KCNJ15: variants seen among roughly 807,000 people sequenced by gnomAD.
KCNJ15 encodes potassium inwardly rectifying channel subfamily J member 15.
A neutral mutation model predicts 23.0 loss-of-function variants in KCNJ15; 14 were observed. The observed-to-expected ratio is 0.61, with a 90% CI of 0.40 to 0.95. The LOEUF (loss-of-function observed/expected upper bound fraction) is 0.95. Ranked by LOEUF, KCNJ15 falls within the 40% of genes least tolerant of loss-of-function variation. The pLI, the probability that KCNJ15 is intolerant of heterozygous loss-of-function variation, is 0.00. For missense variants in KCNJ15, 388 were observed against 461.8 expected (o/e 0.84, Z 1.46); for synonymous variants, 185 against 183.2 (o/e 1.01, Z -0.08).
chr21:38,283,363 G>A (rs1046160938), intron 1 of KCNJ15, among the ~76,000 whole-genome samples: 4 of 152,186 alleles, frequency 2.6e-5, no homozygotes, highest in African/African-American at 9.7e-5. Flanking sequence ...AGAGATAACT[G>A]CTGTTAATAT....
rs1986002124 is a variant in KCNJ15, at chr21:38,305,009, G to A, written c.*4620G>A. Reference sequence around the variant, plus strand: ...GCAGGAGATTCGCTTGAACCCGGGAGGTGGACGTTGCAGTGAGCTAAGATC... The same window carrying A: ...GCAGGAGATTCGCTTGAACCCGGGAAGTGGACGTTGCAGTGAGCTAAGATC... On this transcript the variant is annotated 3_prime_UTR_variant, in exon 3 of 3. Transcript: ENST00000398938. 1 of 147,202 alleles carries A rather than the reference G, an allele frequency of 6.8e-6. No individual in the cohort carries two copies. The highest frequency in any genetic ancestry group is 1.5e-5 in the Non-Finnish European group (1 of 67,108). 9.1% of individuals were successfully genotyped at this position (147,202 alleles called of 1,614,324 possible). A position where few individuals can be genotyped will look rare whatever the true frequency, so the allele number is the denominator to read the frequency against.
intron 1 of KCNJ15, among the ~76,000 whole-genome samples, chr21:38,286,362 G>C (rs1303627772): frequency 1.3e-5 from 2 of 152,202 alleles, no homozygotes; most frequent in Non-Finnish European, 2.9e-5. Context: ...GCTGTTTTCT[G>C]TTATTTCCCC....
At chr21:38,289,790 G>A (rs562459521) in intron 1 of KCNJ15, among the ~76,000 whole-genome samples, 8 of 151,954 alleles carry the variant, frequency 5.3e-5, no homozygotes, top group Admixed American at 2.0e-4. Flanking sequence ...AGTACAATTC[G>A]CCTCCTCACC....
chr21:38,305,127 A>C lies in KCNJ15; in HGVS notation c.*4738A>C, dbSNP rs1986014414. 2 of 151,908 alleles carry C rather than the reference A, an allele frequency of 1.3e-5. No individual in the cohort carries two copies. Among genetic ancestry groups the C allele is most frequent in the Admixed American group, 1.3e-4 (2 of 15,238 alleles). 9.4% of individuals were successfully genotyped at this position (151,908 alleles called of 1,614,324 possible). ...AAGAAAAAGAAAAGAAAAGAAAATA[A>C]ACGTGGCAAAACTAGACCTTCAGAC... On this transcript the variant is annotated 3_prime_UTR_variant, in exon 3 of 3. Transcript: ENST00000398938.
At chr21:38,269,448 C>T (rs1254482257) in intron 1 of KCNJ15, among the ~76,000 whole-genome samples, 1 of 152,054 alleles carries the variant, frequency 6.6e-6, no homozygotes, top group Non-Finnish European at 1.5e-5. Context: ...AAATTGAATC[C>T]GAAATTACCC....
rs959586608 is a variant in KCNJ15, at chr21:38,265,942, G to A, written c.-117+8757G>A. On this transcript the variant is annotated intron_variant, in intron 1 of 2. Transcript: ENST00000398938. Reference sequence around the variant, plus strand: ...ACAAGACGACTTCCAGGGTCAGGACGGGGAGAAGCCTTCAGAGCAGGAGGA... The same window carrying A: ...ACAAGACGACTTCCAGGGTCAGGACAGGGAGAAGCCTTCAGAGCAGGAGGA... Among the ~76,000 whole-genome samples the A allele has an allele frequency of 5.3e-5, 8 of 152,248 alleles. No homozygotes were observed. The East Asian group carries it at 5.8e-4, about 11-fold the overall frequency.
chr21:38,284,653 C>G (rs1451261510), intron 1 of KCNJ15, among the ~76,000 whole-genome samples: 2 of 152,152 alleles, frequency 1.3e-5, no homozygotes, highest in African/African-American at 4.8e-5. Flanking sequence ...TGAATAAAAC[C>G]CCAAGATACT....
intron 1 of KCNJ15, among the ~76,000 whole-genome samples, chr21:38,283,428 T>C (rs1983559307): frequency 6.6e-6 from 1 of 152,238 alleles, no homozygotes; most frequent in African/African-American, 2.4e-5. Flanking sequence ...GAGATTACCC[T>C]GCATATTTAG....
At chr21:38,293,218 C>T (rs1408801282) in intron 1 of KCNJ15, among the ~76,000 whole-genome samples, 1 of 152,042 alleles carries the variant, frequency 6.6e-6, no homozygotes, top group Non-Finnish European at 1.5e-5. Context: ...TTCCAAGTTT[C>T]CTTCTTCCCA....
intron 1 of KCNJ15, among the ~76,000 whole-genome samples, chr21:38,264,224 A>G (rs1233770580): frequency 6.6e-6 from 1 of 152,190 alleles, no homozygotes; most frequent in African/African-American, 2.4e-5. Context: ...GATCTTTTAA[A>G]TTTTATTTCA....
chr21:38,264,457 G>T (rs1448796220), intron 1 of KCNJ15, among the ~76,000 whole-genome samples: 1 of 152,130 alleles, frequency 6.6e-6, no homozygotes, highest in African/African-American at 2.4e-5. Flanking sequence ...TTTCCCTACA[G>T]GGCTGCAAAC....
At chr21:38,287,822 T>C (rs933521196) in intron 1 of KCNJ15, among the ~76,000 whole-genome samples, 1 of 152,116 alleles carries the variant, frequency 6.6e-6, no homozygotes, top group Non-Finnish European at 1.5e-5. Flanking sequence ...TATCATTCAG[T>C]GATCACAGAG....
intron 1 of KCNJ15, among the ~76,000 whole-genome samples, chr21:38,250,964 G>A (rs1979786684): frequency 6.6e-6 from 1 of 152,148 alleles, no homozygotes; most frequent in South Asian, 2.1e-4. Flanking sequence ...AGGGTCCACG[G>A]CACACATACC....
intron 1 of KCNJ15, among the ~76,000 whole-genome samples, chr21:38,268,018 G>C (rs1245550320): frequency 2.0e-5 from 3 of 152,104 alleles, no homozygotes; most frequent in Non-Finnish European, 4.4e-5. Context: ...TTGAATACCT[G>C]GTTTTTATGA....
At chr21:38,241,739 G>A (rs1018687107) in intron 1 of KCNJ15, among the ~76,000 whole-genome samples, 1 of 152,108 alleles carries the variant, frequency 6.6e-6, no homozygotes, top group African/African-American at 2.4e-5. Context: ...GGCCAAGGAG[G>A]GCGGATTGCT....
At position 38,242,953 on chromosome 21, in the gene KCNJ15, TA is replaced by T. The variant is rs566460584; in HGVS notation, c.-398-14089del. ...TAAAACCTGGTAAATGTTGAACAAA[TA>T]AAATGATTAAATCAAATGGTGTAGT... On this transcript the variant is annotated intron_variant, in intron 1 of 4. Transcript: ENST00000547341. Among the ~76,000 whole-genome samples, 19 of 152,270 alleles carry T rather than the reference TA, an allele frequency of 1.2e-4. 1 individual carries two copies. In the South Asian group the frequency reaches 2.5e-3, roughly 20 times the overall value.
intron 1 of KCNJ15, among the ~76,000 whole-genome samples, chr21:38,243,569 C>T (rs1341763509): frequency 1.3e-5 from 2 of 152,166 alleles, no homozygotes; most frequent in Non-Finnish European, 2.9e-5. Context: ...TTACAGGAGC[C>T]TGCCACCATG....
At chr21:38,290,632 T>C (rs6517458) in intron 1 of KCNJ15, among the ~76,000 whole-genome samples, 117,366 of 151,966 alleles carry the variant, frequency 0.77, 45,698 homozygotes, top group African/African-American at 0.87. Flanking sequence ...TTGGGAACTG[T>C]ACCCCAAGAA....
intron 1 of KCNJ15, among the ~76,000 whole-genome samples, chr21:38,249,452 G>C (rs1039262966): frequency 5.3e-5 from 8 of 152,184 alleles, no homozygotes; most frequent in Admixed American, 5.2e-4. Context: ...CTCTGAGTTA[G>C]GGTGACCACA....
Sources: gnomAD v4.1 joint callset for allele counts (sites outside exome capture counted in the v4.1 genomes callset) on GRCh38, gnomAD v4.1.1 for gene constraint, MANE v1.5 for transcripts, NCBI Gene and HGNC (gene_info 2026-07-23, HGNC 2026-07-21) for gene names.